Variants in PHF21B observed in about 807,000 individuals in gnomAD.
PHF21B encodes PHD finger protein 21B.
PHF21B carries 22 observed loss-of-function variants against 62.2 expected under a neutral mutation model. The ratio of observed to expected loss-of-function variants is 0.35; its 90% CI spans 0.25 to 0.51. The LOEUF is 0.51. Ranked by LOEUF, PHF21B falls within the 20% of genes least tolerant of loss-of-function variation. The pLI, the probability that PHF21B is intolerant of heterozygous loss-of-function variation, is 0.97. For synonymous variants in PHF21B, 341 were observed against 314.7 expected (o/e 1.08, Z -0.88); for missense variants, 701 against 707.9 (o/e 0.99, Z 0.11).
intron 2 of PHF21B, among the ~76,000 whole-genome samples, chr22:44,944,731 A>C (rs2072029559): frequency 6.6e-6 from 1 of 152,252 alleles, no homozygotes; most frequent in African/African-American, 2.4e-5. Flanking sequence ...CCCCAGAGCC[A>C]GGAAGAAACA....
At chr22:44,920,595 A>G in intron 2 of PHF21B, 105 bp from the exon 3 acceptor site, 1 of 583,522 alleles carries the variant, frequency 1.7e-6, no homozygotes, top group Non-Finnish European at 3.0e-6. Context: ...GAGACAGCAA[A>G]TTCTACTCTT....
intron 3 of PHF21B, among the ~76,000 whole-genome samples, chr22:44,919,736 G>C (rs1480548507): frequency 6.6e-6 from 1 of 152,236 alleles, no homozygotes; most frequent in Non-Finnish European, 1.5e-5. Flanking sequence ...TAACTACCTG[G>C]CGTTTGCTCT....
At chr22:44,973,093 C>T (rs1016449390) in intron 2 of PHF21B, among the ~76,000 whole-genome samples, 4 of 152,330 alleles carry the variant, frequency 2.6e-5, no homozygotes, top group East Asian at 3.9e-4. Flanking sequence ...ACTGACTCCC[C>T]ACCCCCAGTC....
At chr22:44,975,783 C>T (rs141390668) in intron 2 of PHF21B, among the ~76,000 whole-genome samples, 8 of 152,382 alleles carry the variant, frequency 5.2e-5, no homozygotes, top group Admixed American at 2.0e-4. Flanking sequence ...TCCTCCCACC[C>T]AGGGCTCCAC....
In PHF21B at chr22:44,972,600, C is replaced by A. The variant is rs550055521; in HGVS notation, c.120+35945G>T. ...CCACACTGCACGCCCTGACATGGCT[C>A]CTCAGTGGAAACTCCTCATGTACGT... On this transcript the variant is annotated intron_variant, in intron 2 of 12. Coordinates refer to ENST00000313237, the MANE Select transcript of PHF21B (RefSeq NM_138415.5). Among the ~76,000 whole-genome samples, 77 of 152,310 alleles carry A rather than the reference C, an allele frequency of 5.1e-4. 1 individual carries two copies. The highest frequency in any genetic ancestry group is 1.8e-3 in the African/African-American group (75 of 41,568).
intron 2 of PHF21B, among the ~76,000 whole-genome samples, chr22:44,980,935 A>G (rs564992675): frequency 6.6e-6 from 1 of 152,362 alleles, no homozygotes; most frequent in Admixed American, 6.5e-5. Flanking sequence ...CTTGCTGCTA[A>G]TACATTTAGA....
chr22:45,004,602 T>C (rs2073280657), intron 2 of PHF21B, among the ~76,000 whole-genome samples: 1 of 152,190 alleles, frequency 6.6e-6, no homozygotes, highest in Non-Finnish European at 1.5e-5. Flanking sequence ...AAAATGTACC[T>C]TTCTGGAGGA....
chr22:44,947,918 C>T (rs1047284288), intron 2 of PHF21B, among the ~76,000 whole-genome samples: 4 of 140,844 alleles, frequency 2.8e-5, no homozygotes, highest in African/African-American at 5.4e-5. Flanking sequence ...CCTCCTGCAT[C>T]CACACCCAGA....
At chr22:44,998,882 C>T (rs959554980) in intron 2 of PHF21B, among the ~76,000 whole-genome samples, 1 of 152,180 alleles carries the variant, frequency 6.6e-6, no homozygotes, top group Admixed American at 6.5e-5. Context: ...GACATCACTG[C>T]CAGAGGGGCT....
At chr22:44,961,408 C>A (rs2072417607) in intron 2 of PHF21B, among the ~76,000 whole-genome samples, 1 of 152,106 alleles carries the variant, frequency 6.6e-6, no homozygotes, top group South Asian at 2.1e-4. Flanking sequence ...ACCCTCGCTC[C>A]CCTCCTTCCC....
At chr22:44,991,618 G>T (rs930190642) in intron 2 of PHF21B, among the ~76,000 whole-genome samples, 1 of 152,202 alleles carries the variant, frequency 6.6e-6, no homozygotes, top group African/African-American at 2.4e-5. Context: ...CCATGGAGGG[G>T]CAGTCCCTTA....
At chr22:44,929,557 A>C (rs2071699992) in intron 2 of PHF21B, among the ~76,000 whole-genome samples, 1 of 152,162 alleles carries the variant, frequency 6.6e-6, no homozygotes, top group African/African-American at 2.4e-5. Context: ...GGGGAGGCCA[A>C]CCCATGTGCA....
chr22:44,965,241 C>T (rs1477674224), intron 2 of PHF21B, among the ~76,000 whole-genome samples: 9 of 152,214 alleles, frequency 5.9e-5, no homozygotes, highest in East Asian at 3.9e-4. Flanking sequence ...CTGGCCAACT[C>T]GGCTGCACAC....
chr22:44,902,567 T>C (rs2071179410), intron 5 of PHF21B: 1 of 154,412 alleles, frequency 6.5e-6, no homozygotes, highest in Non-Finnish European at 1.4e-5. Flanking sequence ...TTCATTCAGC[T>C]ATGCATCCAT....
intron 2 of PHF21B, among the ~76,000 whole-genome samples, chr22:44,992,838 G>C (rs190222922): frequency 4.6e-5 from 7 of 152,284 alleles, no homozygotes; most frequent in Admixed American, 3.9e-4. Context: ...CTGCTCACAC[G>C]ATCCTGTCGG....
At chr22:44,953,597 C>G (rs59229201) in intron 2 of PHF21B, among the ~76,000 whole-genome samples, 36,840 of 152,004 alleles carry the variant, frequency 0.24, 5,216 homozygotes, top group African/African-American at 0.38. Context: ...CAGTGGGGGA[C>G]TGGAGAGGGA....
intron 2 of PHF21B, among the ~76,000 whole-genome samples, chr22:44,954,893 G>A (rs1298147276): frequency 6.6e-6 from 1 of 152,222 alleles, no homozygotes; most frequent in East Asian, 1.9e-4. Context: ...AGGTGGCACA[G>A]AGGACAGTCC....
chr22:44,939,657 C>T (rs530251875), intron 2 of PHF21B, among the ~76,000 whole-genome samples: 11 of 152,214 alleles, frequency 7.2e-5, no homozygotes, highest in African/African-American at 1.9e-4. Context: ...CCAGCATCAA[C>T]GAGGAGACCA....
intron 2 of PHF21B, among the ~76,000 whole-genome samples, chr22:44,932,546 C>T (rs949305190): frequency 3.9e-5 from 6 of 152,214 alleles, no homozygotes; most frequent in East Asian, 1.9e-4. Context: ...GTAAAATAGA[C>T]GGTCATTGAG....
Sources: allele counts gnomAD v4.1 joint callset (sites outside exome capture counted in the v4.1 genomes callset), GRCh38; gene constraint gnomAD v4.1.1; transcripts MANE v1.5; gene names NCBI Gene and HGNC (gene_info 2026-07-23, HGNC 2026-07-21).